CLCN1: variants seen among roughly 807,000 people sequenced by gnomAD.
The protein encoded by CLCN1 is chloride channel protein 1.
In CLCN1, 100 loss-of-function variants were observed where a neutral mutation model predicts 114.5. That is an observed-to-expected ratio of 0.87 (90% confidence interval 0.74 to 1.03). CLCN1 has a LOEUF of 1.03. CLCN1 is among the 50% of genes least tolerant of loss of function. CLCN1 has a pLI of 0.00. For synonymous variants in CLCN1, 485 were observed against 487.1 expected (o/e 1.00, Z 0.06); for missense variants, 1,188 against 1,250.0 (o/e 0.95, Z 0.75).
At chr7:143,332,281 T>G in intron 10 of CLCN1, 138 bp from the exon 11 acceptor site, 1 of 804,306 alleles carries the variant, frequency 1.2e-6, no homozygotes, top group Non-Finnish European at 2.2e-6. Context: ...AATATTGGTT[T>G]TTTGTGTGAA....
At chr7:143,336,604 C>CAAA (rs573516521) in intron 12 of CLCN1, among the ~76,000 whole-genome samples, 43 of 79,686 alleles carry the variant, frequency 5.4e-4, no homozygotes, top group African/African-American at 6.6e-4. Context: ...AAGACTCTGT[C>CAAA]AAAAAAAAAA....
rs536205682 is a variant in CLCN1 at position 143,323,142 on chromosome 7, C to T, written c.697-167C>T. Among the ~76,000 whole-genome samples, 3 of 152,272 alleles carry T rather than the reference C, an allele frequency of 2.0e-5. No homozygotes were observed. The South Asian group carries it at 6.2e-4, about 32-fold the overall frequency. The stretch of plus-strand genomic sequence containing the variant: ...GAGGAGAAACACACTGGTTTCTCCT[C>T]TTCTTCCTCTCTGGGATGAGGCCTC... On this transcript the variant is annotated intron_variant, in intron 5 of 22. Transcript: ENST00000343257.
At chr7:143,333,012 G>T in intron 12 of CLCN1, 139 bp downstream of exon 12, 5 of 1,021,548 alleles carry the variant, frequency 4.9e-6, no homozygotes, top group Non-Finnish European at 7.6e-6. Flanking sequence ...GAAAACCATA[G>T]AGTTGGCCAG....
At position 143,341,830 on chromosome 7, in the gene CLCN1, C is replaced by T. The variant is rs1177850180; in HGVS notation, c.1583-99C>T. 5 of 904,278 alleles carry T rather than the reference C, an allele frequency of 5.5e-6. No homozygotes were observed. In the African/African-American group the frequency reaches 6.5e-5, roughly 12 times the overall value. 56.0% of individuals were successfully genotyped at this position (904,278 alleles called of 1,614,324 possible). A position where few individuals can be genotyped will look rare whatever the true frequency, so the allele number is the denominator to read the frequency against. On this transcript the variant is annotated intron_variant, in intron 14 of 22. Coordinates refer to ENST00000343257, the MANE Select transcript of CLCN1 (RefSeq NM_000083.3). ...TATGAGTATTGGCACTGACCAGGGT[C>T]ATGTCTCTCATTCCGTGTTATTCCC...
Position 143,321,359 on chromosome 7 carries a change from C to T in CLCN1, c.434-6C>T, listed in dbSNP as rs866134593. 2 of 1,614,188 alleles carry T rather than the reference C, an allele frequency of 1.2e-6. No homozygotes were observed. Among genetic ancestry groups the T allele is most frequent in the Non-Finnish European group, 1.7e-6 (2 of 1,180,024 alleles). On this transcript the variant is annotated splice_polypyrimidine_tract_variant and splice_region_variant and intron_variant, in intron 3 of 22. Coordinates refer to ENST00000343257, the MANE Select transcript of CLCN1 (RefSeq NM_000083.3). The surrounding 1 kb of genome is among the most constrained non-coding windows in gnomAD (Gnocchi z 4.2). The stretch of plus-strand genomic sequence containing the variant: ...TCTGCCTAACCCCAGGCATGTGTCT[C>T]CGCAGCCTACAAGTGGTCCTACGCG...
chr7:143,339,403 C>T lies in CLCN1; in HGVS notation c.1471+81C>T. 7.2e-7 allele frequency: 1 copy of T among 1,382,308 alleles called. No homozygotes were observed. The highest frequency in any genetic ancestry group is 1.8e-4 in the Middle Eastern group (1 of 5,612). 85.6% of individuals were successfully genotyped at this position (1,382,308 alleles called of 1,614,324 possible). ...GAAACATAAGGAAAGGCCCGGGATG[C>T]TGGGAGTTTATATTTGTTCTTAATG... On this transcript the variant is annotated intron_variant, in intron 13 of 22. Coordinates refer to ENST00000343257, the MANE Select transcript of CLCN1 (RefSeq NM_000083.3). This position sits in a 1 kb window ranked among gnomAD's most constrained non-coding sequence, Gnocchi z 4.1.
chr7:143,340,149 T>C (rs1236577065), intron 14 of CLCN1, among the ~76,000 whole-genome samples: 1 of 152,192 alleles, frequency 6.6e-6, no homozygotes, highest in East Asian at 1.9e-4. Context: ...CTAACACCAA[T>C]AGAATCCTGG....
chr7:143,316,462 T>C (rs1802295453), intron 1 of CLCN1, 70 bp downstream of exon 1: 4 of 1,419,324 alleles, frequency 2.8e-6, no homozygotes, highest in Non-Finnish European at 3.9e-6. Flanking sequence ...CTGGTGAAAA[T>C]GAGGAATTGG....
At chr7:143,334,580 T>G (rs554480404) in intron 12 of CLCN1, among the ~76,000 whole-genome samples, 2 of 152,168 alleles carry the variant, frequency 1.3e-5, no homozygotes, top group Non-Finnish European at 2.9e-5. Flanking sequence ...GAAAAAAAAT[T>G]TTTAAATATT....
At chr7:143,344,864 C>T (rs1485171271) in intron 16 of CLCN1, among the ~76,000 whole-genome samples, 1 of 151,648 alleles carries the variant, frequency 6.6e-6, no homozygotes, top group East Asian at 1.9e-4. Context: ...GATTCTCCTG[C>T]CTCAGCCTCC....
chr7:143,318,159 A>G (rs1802336070), intron 1 of CLCN1, among the ~76,000 whole-genome samples: 1 of 151,698 alleles, frequency 6.6e-6, no homozygotes, highest in Non-Finnish European at 1.5e-5. Flanking sequence ...TGTTCCATCT[A>G]TTCTTCCCTT....
In CLCN1 at chr7:143,321,362, C is replaced by G; in HGVS notation, c.434-3C>G. ...GCCTAACCCCAGGCATGTGTCTCCG[C>G]AGCCTACAAGTGGTCCTACGCGCAG... On this transcript the variant is annotated splice_polypyrimidine_tract_variant and splice_region_variant and intron_variant, in intron 3 of 22. Transcript: ENST00000343257. This position sits in a 1 kb window ranked among gnomAD's most constrained non-coding sequence, Gnocchi z 4.2. 6.2e-7 allele frequency: 1 copy of G among 1,614,212 alleles called. No individual in the cohort carries two copies. Among genetic ancestry groups the G allele is most frequent in the East Asian group, 2.2e-5 (1 of 44,894 alleles).
chr7:143,330,665 A>G lies in CLCN1; in HGVS notation c.854-107A>G. The G allele has an allele frequency of 2.8e-6, 4 of 1,446,758 alleles. No homozygotes were observed. The South Asian group carries it at 4.7e-5, about 17-fold the overall frequency. The allele number at this position is 1,446,758 out of a possible 1,614,324, so 89.6% of individuals were successfully genotyped here. ...ATCATTACTTTCCACTACTGCTTCC[A>G]CCCAGATTCATGTTTCAGCAAAAGC... is the stretch of plus-strand genomic sequence containing the variant. On this transcript the variant is annotated intron_variant, in intron 7 of 22. Transcript: ENST00000343257.
intron 2 of CLCN1, among the ~76,000 whole-genome samples, 165 bp from the exon 3 acceptor site, chr7:143,320,499 C>T (rs969764785): frequency 1.3e-5 from 2 of 152,002 alleles, no homozygotes; most frequent in South Asian, 2.1e-4. Flanking sequence ...CCAAGGCTTC[C>T]CCTCCCATCT....
Position 143,316,305 on chromosome 7 carries a change from C to T in CLCN1, c.93C>T (p.Thr31=). ...QYQYMPFEHC[T]SYGLPSENGG... ...AGTATATGCCCTTTGAACACTGCAC[C>T]AGCTACGGACTGCCCTCTGAGAATG... The change falls in exon 1 of 23, where the codon ACC becomes ACT. Residue 31 remains threonine, a synonymous_variant. Transcript: ENST00000343257. 3.1e-6 allele frequency: 5 copies of T among 1,613,734 alleles called. No individual in the cohort carries two copies. The highest frequency in any genetic ancestry group is 4.2e-6 in the Non-Finnish European group (5 of 1,179,866).
chr7:143,319,645 G>A, intron 1 of CLCN1, 110 bp from the exon 2 acceptor site: 1 of 1,197,254 alleles, frequency 8.4e-7, no homozygotes, highest in Non-Finnish European at 1.2e-6. Flanking sequence ...TCAACACCCA[G>A]AATTCAAAAA....
At chr7:143,346,527 G>A in intron 18 of CLCN1, 52 bp from the exon 19 acceptor site, 1 of 1,427,834 alleles carries the variant, frequency 7.0e-7, no homozygotes, top group Admixed American at 1.7e-5. Flanking sequence ...GGGGCCCCTG[G>A]CCGTTTCCTG....
intron 20 of CLCN1, among the ~76,000 whole-genome samples, chr7:143,348,111 G>T (rs1475468585): frequency 6.6e-6 from 1 of 152,210 alleles, no homozygotes; most frequent in African/African-American, 2.4e-5. Flanking sequence ...GAATAAATAT[G>T]TGCTGACAAT....
At chr7:143,337,205 C>A (rs114661640) in intron 12 of CLCN1, among the ~76,000 whole-genome samples, 28 of 152,076 alleles carry the variant, frequency 1.8e-4, no homozygotes, top group Non-Finnish European at 2.5e-4. Flanking sequence ...TTTGTTCAGC[C>A]CATCTTCGTT....
Sources: gnomAD v4.1 joint callset for allele counts (sites outside exome capture counted in the v4.1 genomes callset) on GRCh38, gnomAD v4.1.1 for gene constraint, Gnocchi (gnomAD v3.1) non-coding constraint, MANE v1.5 for transcripts, NCBI Gene and HGNC (gene_info 2026-07-23, HGNC 2026-07-21) for gene names.